IFITM10: variants seen among roughly 807,000 people sequenced by gnomAD.
The protein encoded by IFITM10 is interferon-induced transmembrane protein 10.
A neutral mutation model predicts 19.0 loss-of-function variants in IFITM10; 17 were observed. That is an observed-to-expected ratio of 0.90 (90% CI 0.61 to 1.34). The LOEUF is 1.34. IFITM10 is among the 40% of genes most tolerant of loss of function. The pLI is 0.00. For synonymous variants in IFITM10, 148 were observed against 147.2 expected (o/e 1.01, Z -0.04); for missense variants, 306 against 319.8 (o/e 0.96, Z 0.33).
At chr11:1,746,407 A>C in intron 2 of IFITM10, 1 of 375,112 alleles carries the variant, frequency 2.7e-6, no homozygotes, top group Non-Finnish European at 4.6e-6. Context: ...TCACATGCAC[A>C]CATAGTTACA....
intron 2 of IFITM10, among the ~76,000 whole-genome samples, chr11:1,735,700 G>T (rs906821020): frequency 1.7e-4 from 26 of 152,200 alleles, no homozygotes; most frequent in African/African-American, 6.3e-4. Flanking sequence ...TATATATATA[G>T]AGAAAAGCAA....
chr11:1,734,133 CCTT>C lies in IFITM10; in HGVS notation c.*1144_*1146del, dbSNP rs1851057582. On this transcript the variant is annotated 3_prime_UTR_variant, in exon 3 of 3. Transcript: ENST00000340134. ...CTTCTCCATCTTCACCTCCCCACCT[CCTT>C]CGTGTGCCTCGCCGATGCCCTGCAC... is the stretch of plus-strand genomic sequence containing the variant. The C allele has an allele frequency of 6.6e-6, 1 of 152,574 alleles. No individual in the cohort carries two copies. Among genetic ancestry groups the C allele is most frequent in the Non-Finnish European group, 1.5e-5 (1 of 68,274 alleles). 9.5% of individuals were successfully genotyped at this position (152,574 alleles called of 1,614,324 possible).
chr11:1,748,118 G>T lies in IFITM10; in HGVS notation c.86C>A (p.Ala29Asp). ...GGCTGGGCACTGGCCGGGGCCCTGG[G>T]CCTGGAGAGGAGAAAGTGAGAGCAA... ...ERVEAQWELE[A>D]QGPGQCPAPL... Residue 29 changes from alanine (A) to aspartate (D), a missense_variant and splice_region_variant, in exon 2 of 3, where the codon GCC (alanine) becomes GAC (aspartate). Physicochemically the swap from Ala to Asp is moderately radical, Grantham distance 126. Coordinates refer to ENST00000340134, the MANE Select transcript of IFITM10 (RefSeq NM_001170820.4). 1 of 1,372,828 alleles carries T rather than the reference G, an allele frequency of 7.3e-7. No homozygotes were observed. Among genetic ancestry groups the T allele is most frequent in the South Asian group, 1.8e-5 (1 of 56,680 alleles). The allele number at this position is 1,372,828 out of a possible 1,614,324, so 85.0% of individuals were successfully genotyped here.
rs983386704 is a variant in IFITM10, at chr11:1,735,184, G to A, written c.*96C>T. On this transcript the variant is annotated 3_prime_UTR_variant, in exon 3 of 3. Coordinates refer to ENST00000340134, the MANE Select transcript of IFITM10 (RefSeq NM_001170820.4). ...AGGGGGCCCCAGGACAAGAAGCCCT[G>A]CCCTGCCCCAACCTCATGGGATCCT... is the stretch of plus-strand genomic sequence containing the variant. The A allele has an allele frequency of 1.1e-5, 15 of 1,388,188 alleles. No individual in the cohort carries two copies. In the African/African-American group the frequency reaches 2.0e-4, roughly 19 times the overall value. The allele number at this position is 1,388,188 out of a possible 1,614,324, so 86.0% of individuals were successfully genotyped here. A position where few individuals can be genotyped will look rare whatever the true frequency, so the allele number is the denominator to read the frequency against.
chr11:1,747,075 G>A (rs975620196), intron 2 of IFITM10, among the ~76,000 whole-genome samples: 4 of 152,104 alleles, frequency 2.6e-5, no homozygotes, highest in Non-Finnish European at 4.4e-5. Context: ...AGCTCTTCTC[G>A]CAGCCCTGAG....
intron 2 of IFITM10, chr11:1,745,331 CAG>C (rs1845625985): frequency 6.6e-6 from 1 of 152,334 alleles, no homozygotes; most frequent in Non-Finnish European, 1.5e-5. Context: ...TGGCAGGGCA[CAG>C]AGAGAGGGGA....
rs766248120 is a variant in IFITM10 at position 1,747,787 on chromosome 11, G to A, written c.417C>T (p.Thr139=). The part of the protein sequence containing the change: ...AEKKTMTNPT[T]VIEVYPDTTE... ...TGGTGTCCGGGTAGACCTCGATGAC[G>A]GTCGTGGGGTTGGTCATCGTCTTCT... Residue 139 remains threonine (T), a synonymous_variant, in exon 2 of 3, where the codon ACC becomes ACT. Transcript: ENST00000340134. 10 of 1,551,304 alleles carry A rather than the reference G, an allele frequency of 6.4e-6. No individual in the cohort carries two copies. The highest frequency in any genetic ancestry group is 8.7e-6 in the Non-Finnish European group (10 of 1,146,706).
chr11:1,736,021 C>T (rs1305791531), intron 2 of IFITM10, among the ~76,000 whole-genome samples: 1 of 152,174 alleles, frequency 6.6e-6, no homozygotes, highest in African/African-American at 2.4e-5. Context: ...AGGCAGTGGA[C>T]TGAGCTGGAC....
chr11:1,746,529 C>T, intron 2 of IFITM10: 1 of 398,616 alleles, frequency 2.5e-6, no homozygotes, highest in Non-Finnish European at 4.4e-6. Flanking sequence ...TCCGCAGGCC[C>T]GAGGTTGAAG....
chr11:1,735,212 G>T lies in IFITM10; in HGVS notation c.*68C>A. The T allele has an allele frequency of 6.6e-7, 1 of 1,503,922 alleles. No individual in the cohort carries two copies. Among genetic ancestry groups the T allele is most frequent in the South Asian group, 1.2e-5 (1 of 80,330 alleles). 93.2% of individuals were successfully genotyped at this position (1,503,922 alleles called of 1,614,324 possible). Reference sequence around the variant, plus strand: ...CTGCCCCAACCTCATGGGATCCTGCGTTTCAGGGACCATGAGAATAAACAT... The same window carrying T: ...CTGCCCCAACCTCATGGGATCCTGCTTTTCAGGGACCATGAGAATAAACAT... On this transcript the variant is annotated 3_prime_UTR_variant, in exon 3 of 3. Coordinates refer to ENST00000340134, the MANE Select transcript of IFITM10 (RefSeq NM_001170820.4).
chr11:1,741,936 A>T (rs999887115), intron 2 of IFITM10, among the ~76,000 whole-genome samples: 2 of 152,252 alleles, frequency 1.3e-5, no homozygotes, highest in African/African-American at 2.4e-5. Flanking sequence ...AGAAGTTGAC[A>T]GCCTGCAACC....
chr11:1,747,797 T>A lies in IFITM10; in HGVS notation c.407A>T (p.Asn136Ile), dbSNP rs1845667887. 1 of 1,550,968 alleles carries A rather than the reference T, an allele frequency of 6.4e-7. No individual in the cohort carries two copies. Among genetic ancestry groups the A allele is most frequent in the Non-Finnish European group, 8.7e-7 (1 of 1,146,476 alleles). Residue 136 changes from asparagine to isoleucine, a missense_variant, in exon 2 of 3, where the codon AAC (asparagine) becomes ATC (isoleucine). Physicochemically the swap from Asn to Ile is moderately radical, Grantham distance 149. Transcript: ENST00000340134. ...KHLAEKKTMT[N>I]PTTVIEVYPD... The stretch of plus-strand genomic sequence containing the variant: ...GTAGACCTCGATGACGGTCGTGGGG[T>A]TGGTCATCGTCTTCTTCTCGGCTAG...
rs1851039439 is a variant in IFITM10 at position 1,732,579 on chromosome 11, C to G, written c.*2701G>C. The G allele has an allele frequency of 6.6e-6, 1 of 152,406 alleles. No homozygotes were observed. Among genetic ancestry groups the G allele is most frequent in the South Asian group, 2.1e-4 (1 of 4,838 alleles). 9.4% of individuals were successfully genotyped at this position (152,406 alleles called of 1,614,324 possible). ...TCGAAGCCAGAGACCAGCGCCGGAG[C>G]TGATGCCTGCTTGCCTGCCTGCTGA... On this transcript the variant is annotated 3_prime_UTR_variant, in exon 3 of 3. Transcript: ENST00000340134.
chr11:1,748,270 C>T, intron 1 of IFITM10, 151 bp from the exon 2 acceptor site: 1 of 571,076 alleles, frequency 1.8e-6, no homozygotes, highest in Non-Finnish European at 2.7e-6. Context: ...CCCCACCCGC[C>T]CCGGGCCTCG....
chr11:1,743,626 C>T (rs191106227), intron 2 of IFITM10, among the ~76,000 whole-genome samples: 18 of 152,206 alleles, frequency 1.2e-4, no homozygotes, highest in African/African-American at 4.3e-4. Flanking sequence ...CAACGCAGAA[C>T]CCACCCACCT....
At position 1,750,583 on chromosome 11, in the gene IFITM10, T is replaced by A; in HGVS notation, c.-141A>T. The A allele has an allele frequency of 9.1e-7, 1 of 1,103,288 alleles. No individual in the cohort carries two copies. The highest frequency in any genetic ancestry group is 1.3e-6 in the Non-Finnish European group (1 of 773,470). The allele number at this position is 1,103,288 out of a possible 1,614,324, so 68.3% of individuals were successfully genotyped here. On this transcript the variant is annotated 5_prime_UTR_variant, in exon 1 of 3. Transcript: ENST00000340134. ...CTGTCTGCCTGCCTGTGCCTGACTC[T>A]GAACCCTTTCTCTCCCCAAACCTCT...
chr11:1,745,655 T>G (rs756624035), intron 2 of IFITM10: 1 of 149,700 alleles, frequency 6.7e-6, no homozygotes, highest in African/African-American at 2.5e-5. Flanking sequence ...CACATTTACA[T>G]GAACCACACA....
In IFITM10 at chr11:1,742,841, T is replaced by C. The variant is rs150656515; in HGVS notation, c.537+4826A>G. Among the ~76,000 whole-genome samples the C allele has an allele frequency of 3.2e-3, 493 of 151,968 alleles. 2 individuals carry two copies. The highest frequency in any genetic ancestry group is 0.011 in the African/African-American group (474 of 41,422). On this transcript the variant is annotated intron_variant, in intron 2 of 2. Transcript: ENST00000340134. ...GTTGAAGGAAATGTGGGAGGATGGA[T>C]TGAATATAAGTTTGGGTGGATGGAC...
rs1463094340 is a variant in IFITM10 at position 1,750,500 on chromosome 11, GCCT to G, written c.-61_-59del. 6.5e-6 allele frequency: 10 copies of G among 1,546,628 alleles called. No individual in the cohort carries two copies. Among genetic ancestry groups the G allele is most frequent in the Admixed American group, 2.0e-5 (1 of 50,864 alleles). On this transcript the variant is annotated 5_prime_UTR_variant, in exon 1 of 3. Coordinates refer to ENST00000340134, the MANE Select transcript of IFITM10 (RefSeq NM_001170820.4). ...CTTTCTCCTCTGCCACTCTCAACTG[GCCT>G]CCTGTGTCTCCGCAACCCTCTTTCC... is the stretch of plus-strand genomic sequence containing the variant.
Sources: allele counts gnomAD v4.1 joint callset (sites outside exome capture counted in the v4.1 genomes callset), GRCh38; gene constraint gnomAD v4.1.1; transcripts MANE v1.5; gene names NCBI Gene and HGNC (gene_info 2026-07-23, HGNC 2026-07-21).